FAM124A: variants seen among roughly 807,000 people sequenced by gnomAD.
FAM124A encodes protein FAM124A.
FAM124A carries 23 observed loss-of-function variants against 24.5 expected under a neutral mutation model. The ratio of observed to expected loss-of-function variants is 0.94; its 90% CI spans 0.68 to 1.33. FAM124A has a LOEUF of 1.33. FAM124A is among the 40% of genes most tolerant of loss of function. The pLI is 0.00. For synonymous variants in FAM124A, 287 were observed against 314.7 expected (o/e 0.91, Z 0.93); for missense variants, 623 against 722.8 (o/e 0.86, Z 1.58).
chr13:51,222,742 G>A (rs932440253), intron 1 of FAM124A, among the ~76,000 whole-genome samples, 173 bp downstream of exon 1: 24 of 152,266 alleles, frequency 1.6e-4, no homozygotes, highest in African/African-American at 4.8e-4. Flanking sequence ...GGGCAGGGCG[G>A]GCACCACCCG....
intron 3 of FAM124A, among the ~76,000 whole-genome samples, chr13:51,265,335 A>G (rs1317108236): frequency 1.3e-5 from 2 of 152,186 alleles, no homozygotes; most frequent in East Asian, 3.8e-4. Context: ...CCATGGTCCT[A>G]AAACACACCT....
At chr13:51,230,483 T>C (rs995262500) in intron 1 of FAM124A, among the ~76,000 whole-genome samples, 8 of 152,338 alleles carry the variant, frequency 5.3e-5, no homozygotes, top group Admixed American at 2.6e-4. Context: ...CTAACTTCCA[T>C]GGCAGAATAA....
intron 3 of FAM124A, among the ~76,000 whole-genome samples, chr13:51,266,681 C>T (rs1184272685): frequency 6.6e-6 from 1 of 152,196 alleles, no homozygotes; most frequent in Admixed American, 6.5e-5. Flanking sequence ...AGGGGGCCTG[C>T]CTCCTGCATA....
chr13:51,229,761 T>A (rs1954354800), intron 1 of FAM124A, among the ~76,000 whole-genome samples: 1 of 152,266 alleles, frequency 6.6e-6, no homozygotes, highest in African/African-American at 2.4e-5. Flanking sequence ...GAGCAGTCAC[T>A]AAGTTTATAT....
At chr13:51,223,845 T>G (rs938006632) in intron 1 of FAM124A, among the ~76,000 whole-genome samples, 21 of 152,250 alleles carry the variant, frequency 1.4e-4, no homozygotes, top group African/African-American at 4.8e-4. Flanking sequence ...TATTGGCTTT[T>G]TTTTTCTGCC....
chr13:51,233,475 G>A (rs1175134783), intron 2 of FAM124A, among the ~76,000 whole-genome samples: 1 of 144,742 alleles, frequency 6.9e-6, no homozygotes, highest in African/African-American at 2.5e-5. Flanking sequence ...TCTGAAAAAT[G>A]TTATGTTTTC....
At chr13:51,265,849 A>G (rs1954779964) in intron 3 of FAM124A, among the ~76,000 whole-genome samples, 1 of 152,176 alleles carries the variant, frequency 6.6e-6, no homozygotes, top group Non-Finnish European at 1.5e-5. Flanking sequence ...TAGGAATTCA[A>G]GATGCTTGAT....
intron 3 of FAM124A, among the ~76,000 whole-genome samples, chr13:51,269,469 T>C (rs1420419190): frequency 1.3e-5 from 2 of 152,244 alleles, no homozygotes; most frequent in Non-Finnish European, 2.9e-5. Context: ...TTTAGTAAAT[T>C]TGTAACATTG....
rs769400098 is a variant in FAM124A, at chr13:51,251,651, AGG to A, written c.286_287del (p.Gly96ArgfsTer89). 3 of 1,581,168 alleles carry A rather than the reference AGG, an allele frequency of 1.9e-6. No homozygotes were observed. The highest frequency in any genetic ancestry group is 1.8e-5 in the Admixed American group (1 of 56,572). ...TCCCGGCGGCGGCGGAAGCCCCCCA[AGG>A]GCGCTCAGCCAGCGCTGGCTGTGGT... On this transcript the variant is annotated frameshift_variant, in exon 3 of 4. Transcript: ENST00000322475. LOFTEE classifies it high-confidence loss of function. This position sits in a 1 kb window ranked among gnomAD's most constrained non-coding sequence, Gnocchi z 5.3.
intron 3 of FAM124A, chr13:51,252,457 T>G: frequency 1.8e-6 from 1 of 554,712 alleles, no homozygotes; most frequent in African/African-American, 1.9e-5. Context: ...GCCCCTTCTG[T>G]CCTCCCCTAT....
chr13:51,243,856 A>G (rs776734952), intron 2 of FAM124A, among the ~76,000 whole-genome samples: 1 of 152,024 alleles, frequency 6.6e-6, no homozygotes, highest in Non-Finnish European at 1.5e-5. Flanking sequence ...CTTTATTCAC[A>G]GTGTCAGCCG....
Position 51,282,955 on chromosome 13 carries a change from T to G in FAM124A, c.*1699T>G, listed in dbSNP as rs1319501188. On this transcript the variant is annotated 3_prime_UTR_variant, in exon 4 of 4. Transcript: ENST00000322475. ...TAGGCTTTGCCAGTCATATGGTCTC[T>G]TGCAGCTACTCAACTCTGCCACTGT... The G allele has an allele frequency of 1.1e-5, 1 of 90,706 alleles. No homozygotes were observed. Among genetic ancestry groups the G allele is most frequent in the Non-Finnish European group, 2.0e-5 (1 of 49,450 alleles). The allele number at this position is 90,706 out of a possible 1,614,324, so 5.6% of individuals were successfully genotyped here.
At chr13:51,278,821 TCATCCTC>T (rs1255758959) in intron 3 of FAM124A, among the ~76,000 whole-genome samples, 3 of 152,224 alleles carry the variant, frequency 2.0e-5, no homozygotes, top group Admixed American at 6.5e-5. Context: ...TACACAGTGT[TCATCCTC>T]CATCAGTTGT....
intron 2 of FAM124A, among the ~76,000 whole-genome samples, chr13:51,247,801 T>C (rs772216687): frequency 6.6e-6 from 1 of 152,216 alleles, no homozygotes; most frequent in Non-Finnish European, 1.5e-5. Flanking sequence ...ATGTGGTATT[T>C]TCTCCTACTT....
At chr13:51,234,214 C>T (rs1340324909) in intron 2 of FAM124A, among the ~76,000 whole-genome samples, 1 of 152,194 alleles carries the variant, frequency 6.6e-6, no homozygotes, top group African/African-American at 2.4e-5. Flanking sequence ...CTCCTTTACC[C>T]ATTTGTTCCT....
intron 2 of FAM124A, 89 bp downstream of exon 2, chr13:51,231,468 A>G (rs966638751): frequency 5.8e-6 from 8 of 1,372,372 alleles, no homozygotes; most frequent in African/African-American, 3.0e-5. Flanking sequence ...ATGGTTTTAT[A>G]GTAGGTAAGA....
Position 51,281,171 on chromosome 13 carries a change from A to G in FAM124A, c.1556A>G (p.Lys519Arg). ...CCACAGCTCCCATGCGATACCCCCA[A>G]AGTCAAGCAGACTGATGGAGACATG... ...SSPQLPCDTP[K>R]VKQTDGDMPP... Residue 519 changes from lysine (K) to arginine (R), a missense_variant, in exon 4 of 4, where the codon AAA becomes AGA. Coordinates refer to ENST00000322475, the MANE Select transcript of FAM124A (RefSeq NM_001242312.2). The G allele has an allele frequency of 1.2e-6, 2 of 1,613,372 alleles. No homozygotes were observed. Among genetic ancestry groups the G allele is most frequent in the Non-Finnish European group, 1.7e-6 (2 of 1,179,842 alleles).
intron 3 of FAM124A, among the ~76,000 whole-genome samples, chr13:51,277,385 C>T (rs1313649715): frequency 6.6e-6 from 1 of 152,192 alleles, no homozygotes; most frequent in Non-Finnish European, 1.5e-5. Context: ...ATTGGGTGCG[C>T]TGTTCACTAT....
intron 2 of FAM124A, among the ~76,000 whole-genome samples, chr13:51,247,231 C>T (rs1272886377): frequency 1.3e-5 from 2 of 152,214 alleles, no homozygotes; most frequent in African/African-American, 4.8e-5. Context: ...AGAATGGCAG[C>T]TGGCCACTCT....
Sources: allele counts gnomAD v4.1 joint callset (sites outside exome capture counted in the v4.1 genomes callset), GRCh38; gene constraint gnomAD v4.1.1; non-coding constraint Gnocchi (gnomAD v3.1); transcripts MANE v1.5; gene names NCBI Gene and HGNC (gene_info 2026-07-23, HGNC 2026-07-21).